The following PKHD1L1 variants were observed in gnomAD, a reference collection of about 807,000 sequenced individuals.
PKHD1L1 encodes fibrocystin-L.
PKHD1L1 carries 434 observed loss-of-function variants against 462.9 expected under a neutral mutation model. The ratio of observed to expected loss-of-function variants is 0.94; its 90% confidence interval spans 0.87 to 1.02. The LOEUF (loss-of-function observed/expected upper bound fraction) is 1.02. PKHD1L1 is among the 50% of genes least tolerant of loss of function. The pLI, the probability that PKHD1L1 is intolerant of heterozygous loss-of-function variation, is 0.00. For synonymous variants in PKHD1L1, 1,781 were observed against 1,750.0 expected (o/e 1.02, Z -0.44); for missense variants, 5,202 against 5,096.1 (o/e 1.02, Z -0.63).
Position 109,497,236 on chromosome 8 carries a change from A to G in PKHD1L1, c.10563A>G (p.Ile3521Met). ...CAATGATTTACATGCCAGCTGCTAT[A>G]TCACACAAAATTTCCAGTAAAAATG... ...IFPMIYMPAA[I>M]SHKISSKNVQ... Residue 3521 changes from isoleucine to methionine, a missense_variant, in exon 65 of 78, where the codon ATA becomes ATG. This residue lies in a region of PKHD1L1 where 4,497 missense variants were observed against 4,336.8 expected (regional missense o/e 1.04). Coordinates refer to ENST00000378402, the MANE Select transcript of PKHD1L1 (RefSeq NM_177531.6). The G allele has an allele frequency of 6.2e-7, 1 of 1,613,678 alleles. No individual in the cohort carries two copies. The highest frequency in any genetic ancestry group is 8.5e-7 in the Non-Finnish European group (1 of 1,179,650).
chr8:109,527,172 G>A lies in PKHD1L1; in HGVS notation c.12721+152G>A. On this transcript the variant is annotated intron_variant, in intron 77 of 77. Transcript: ENST00000378402. ...AATAGCAGAGACAAGACAACCTATGGAAAATGTTATTCACTACATGTTGGT... is the reference window on the plus strand; with the variant it reads ...AATAGCAGAGACAAGACAACCTATGAAAAATGTTATTCACTACATGTTGGT... 3 of 709,008 alleles carry A rather than the reference G, an allele frequency of 4.2e-6. No individual in the cohort carries two copies. The South Asian group carries it at 5.7e-5, about 13-fold the overall frequency. 43.9% of individuals were successfully genotyped at this position (709,008 alleles called of 1,614,324 possible). A position where few individuals can be genotyped will look rare whatever the true frequency, so the allele number is the denominator to read the frequency against.
rs368362467 is a variant in PKHD1L1 at position 109,430,008 on chromosome 8, C to T, written c.3200C>T (p.Pro1067Leu). The change falls in exon 27 of 78, where the codon CCC (proline) becomes CTC (leucine). Residue 1067 changes from proline (P) to leucine (L), a missense_variant. Physicochemically the swap from Pro to Leu is moderately conservative, Grantham distance 98. Transcript: ENST00000378402. ...TTTACATGGGATTCCAACATTACTC[C>T]CCTAGTCTTGGCGATAAGCCCTTCT... Reference protein sequence around the residue: ...CGFTWDSNITPLVLAISPSQG... With the variant: ...CGFTWDSNITLLVLAISPSQG... The T allele has an allele frequency of 1.5e-5, 24 of 1,609,784 alleles. No individual in the cohort carries two copies. The African/African-American group carries it at 3.1e-4, about 21-fold the overall frequency.
chr8:109,439,378 TA>T (rs1459372610), intron 32 of PKHD1L1, among the ~76,000 whole-genome samples: 1 of 152,142 alleles, frequency 6.6e-6, no homozygotes, highest in Non-Finnish European at 1.5e-5. Context: ...AAGTAACTTC[TA>T]GGGGCTCAGT....
Position 109,498,781 on chromosome 8 carries a change from C to A in PKHD1L1, c.10828+10C>A. 1 of 1,563,456 alleles carries A rather than the reference C, an allele frequency of 6.4e-7. No homozygotes were observed. The highest frequency in any genetic ancestry group is 8.8e-7 in the Non-Finnish European group (1 of 1,139,860). On this transcript the variant is annotated intron_variant, in intron 67 of 77. Transcript: ENST00000378402. ...CTTTTGGACATCTCAGGCAAGTACA[C>A]AGTCTTTTACAAATCTTCTCAATTA...
intron 62 of PKHD1L1, among the ~76,000 whole-genome samples, chr8:109,492,668 C>T (rs1026320490): frequency 2.4e-4 from 37 of 151,696 alleles, no homozygotes; most frequent in Admixed American, 9.9e-4. Context: ...TCTGTTTATA[C>T]GTATAGAATA....
chr8:109,422,115 C>T (rs1471455492), intron 23 of PKHD1L1, among the ~76,000 whole-genome samples: 1 of 152,172 alleles, frequency 6.6e-6, no homozygotes, highest in Non-Finnish European at 1.5e-5. Context: ...ATATCCTTTA[C>T]CCATTTTCCC....
chr8:109,388,306 C>G (rs1192209670), intron 6 of PKHD1L1, among the ~76,000 whole-genome samples, 191 bp from the exon 7 acceptor site: 1 of 152,036 alleles, frequency 6.6e-6, no homozygotes, highest in Non-Finnish European at 1.5e-5. Flanking sequence ...CCGATGTGTG[C>G]CAGTACCTAG....
chr8:109,374,034 C>A (rs911815904), intron 2 of PKHD1L1, among the ~76,000 whole-genome samples: 4 of 152,162 alleles, frequency 2.6e-5, no homozygotes, highest in African/African-American at 9.7e-5. Flanking sequence ...TGGTGCAGAG[C>A]TGAGTTCAAT....
In PKHD1L1 at chr8:109,483,003, G is replaced by C. The variant is rs547355311; in HGVS notation, c.9474G>C (p.Leu3158=). 6.3e-7 allele frequency: 1 copy of C among 1,592,196 alleles called. No individual in the cohort carries two copies. Among genetic ancestry groups the C allele is most frequent in the African/African-American group, 1.4e-5 (1 of 73,474 alleles). The change falls in exon 57 of 78, where the codon CTG becomes CTC. Residue 3158 remains leucine, a synonymous_variant. Coordinates refer to ENST00000378402, the MANE Select transcript of PKHD1L1 (RefSeq NM_177531.6). ...CTTCTTTAGGGGTGTTTGGTGAGCT[G>C]GATCTTCATGGAATTCCACATTCAA... ...GAKVLGVFGE[L]DLHGIPHSIY...
At chr8:109,466,546 T>TA in intron 49 of PKHD1L1, 32 bp from the exon 50 acceptor site, 3 of 1,529,546 alleles carry the variant, frequency 2.0e-6, no homozygotes, top group South Asian at 2.5e-5. Context: ...TAATGTGAAA[T>TA]AAAAAACATA....
At chr8:109,369,554 T>G (rs12334438) in intron 2 of PKHD1L1, among the ~76,000 whole-genome samples, 3 of 151,768 alleles carry the variant, frequency 2.0e-5, no homozygotes, top group Non-Finnish European at 2.9e-5. Flanking sequence ...TCAGAATGGT[T>G]GTTGTCTTGA....
At position 109,427,152 on chromosome 8, in the gene PKHD1L1, T is replaced by C; in HGVS notation, c.2996T>C (p.Leu999Pro). The change falls in exon 25 of 78, where the codon CTA (leucine) becomes CCA (proline). Residue 999 changes from leucine (L) to proline (P), a missense_variant. Leu to Pro is a moderately conservative substitution (Grantham distance 98, BLOSUM62 -3). Around this residue, in one of 3 missense-constraint regions of PKHD1L1, gnomAD observed 4,497 missense variants for 4,336.8 expected, o/e 1.04. Transcript: ENST00000378402. The part of the protein sequence containing the change: ...WRSTCGKQNL[L>P]QINDSNIIGE... ...AGCACCTGCGGAAAGCAGAATCTTC[T>C]ACAGGTTCCCTCATTTGGCTTGGCT... 1.9e-6 allele frequency: 3 copies of C among 1,612,794 alleles called. No homozygotes were observed. Among genetic ancestry groups the C allele is most frequent in the Non-Finnish European group, 2.5e-6 (3 of 1,178,990 alleles).
intron 6 of PKHD1L1, 93 bp from the exon 7 acceptor site, chr8:109,388,404 T>A: frequency 6.7e-6 from 6 of 892,868 alleles, no homozygotes; most frequent in East Asian, 2.7e-5. Context: ...AGAAAAAAAA[T>A]TTAAGGGAAC....
chr8:109,473,942 G>A (rs1288017295), intron 50 of PKHD1L1, among the ~76,000 whole-genome samples: 1 of 152,110 alleles, frequency 6.6e-6, no homozygotes, highest in East Asian at 1.9e-4. Flanking sequence ...ATTTACTAGT[G>A]TCAGTTCCAC....
intron 9 of PKHD1L1, 55 bp downstream of exon 9, chr8:109,390,549 A>T (rs1259540785): frequency 9.9e-7 from 1 of 1,012,240 alleles, no homozygotes; most frequent in Non-Finnish European, 1.4e-6. Flanking sequence ...GGTAAATAAG[A>T]TAAAATGTAT....
chr8:109,364,646 C>CTTTTTTTTT lies in PKHD1L1; in HGVS notation c.163+20_163+28dup, dbSNP rs60902563. On this transcript the variant is annotated intron_variant, in intron 2 of 77. Coordinates refer to ENST00000378402, the MANE Select transcript of PKHD1L1 (RefSeq NM_177531.6). ...ACTATAAGAGGGGAAGGTATCGTTG[C>CTTTTTTTTT]TTTTTTTTTTTTTTTTTTGCCAAGG... 1.3e-5 allele frequency: 13 copies of CTTTTTTTTT among 1,030,390 alleles called. No individual in the cohort carries two copies. The highest frequency in any genetic ancestry group is 8.2e-5 in the African/African-American group (4 of 48,626). The allele number at this position is 1,030,390 out of a possible 1,614,324, so 63.8% of individuals were successfully genotyped here. A position where few individuals can be genotyped will look rare whatever the true frequency, so the allele number is the denominator to read the frequency against.
At chr8:109,430,479 C>A (rs551351838) in intron 27 of PKHD1L1, among the ~76,000 whole-genome samples, 15 of 152,170 alleles carry the variant, frequency 9.9e-5, no homozygotes, top group African/African-American at 3.4e-4. Flanking sequence ...AGAATATAAT[C>A]GTGTCCTAGA....
intron 40 of PKHD1L1, among the ~76,000 whole-genome samples, chr8:109,450,691 C>T (rs931302867): frequency 1.4e-4 from 21 of 152,134 alleles, no homozygotes; most frequent in African/African-American, 5.1e-4. Context: ...AAGTTGGATC[C>T]TCTAGAATTG....
intron 25 of PKHD1L1, 41 bp downstream of exon 25, chr8:109,427,197 T>C (rs1430238021): frequency 1.3e-6 from 2 of 1,485,736 alleles, no homozygotes; most frequent in Non-Finnish European, 9.4e-7. Flanking sequence ...TTCTATGTGC[T>C]GTTTGCTTAT....
Sources: gnomAD v4.1 joint callset for allele counts (sites outside exome capture counted in the v4.1 genomes callset) on GRCh38, gnomAD v4.1.1 for gene constraint, gnomAD v4.1.1 regional missense constraint, MANE v1.5 for transcripts, NCBI Gene and HGNC (gene_info 2026-07-23, HGNC 2026-07-21) for gene names.